ALK: variants seen among roughly 807,000 people sequenced by gnomAD.
ALK encodes the protein ALK receptor tyrosine kinase.
A neutral mutation model predicts 163.1 loss-of-function variants in ALK; 74 were observed. That is an observed-to-expected ratio of 0.45 (90% confidence interval 0.38 to 0.55). The LOEUF is 0.55. Among genes scored for constraint, ALK ranks in the 20% least tolerant of loss-of-function variants. The pLI is 0.00. For missense variants in ALK, 2,063 were observed against 2,105.3 expected (o/e 0.98, Z 0.39); for synonymous variants, 960 against 843.2 (o/e 1.14, Z -2.40).
chr2:29,203,118 G>A (rs1553389747), intron 26 of ALK, among the ~76,000 whole-genome samples: 1 of 152,134 alleles, frequency 6.6e-6, no homozygotes, highest in African/African-American at 2.4e-5. Context: ...GGTGGGGGCC[G>A]AGGATTCGCA....
chr2:29,641,018 A>C (rs923572337), intron 3 of ALK, among the ~76,000 whole-genome samples: 3 of 152,168 alleles, frequency 2.0e-5, no homozygotes, highest in Admixed American at 2.0e-4. Context: ...CCAGAAGCTG[A>C]AAACAGTATA....
intron 1 of ALK, among the ~76,000 whole-genome samples, chr2:29,730,536 C>T (rs957788882): frequency 3.3e-5 from 5 of 151,996 alleles, no homozygotes; most frequent in Admixed American, 3.3e-4. Flanking sequence ...ACATGGACTC[C>T]CAAAGCCCTT....
chr2:29,590,349 T>C (rs755161396), intron 3 of ALK, among the ~76,000 whole-genome samples: 14 of 152,316 alleles, frequency 9.2e-5, no homozygotes, highest in Non-Finnish European at 1.9e-4. Context: ...TTGTTTTCAG[T>C]TGACCATTTT....
At chr2:29,832,466 G>A (rs1481617690) in intron 1 of ALK, among the ~76,000 whole-genome samples, 1 of 152,210 alleles carries the variant, frequency 6.6e-6, no homozygotes, top group African/African-American at 2.4e-5. Flanking sequence ...TATCTTTGGG[G>A]GAAGAGGGAT....
chr2:29,265,044 G>C (rs1333273707), intron 11 of ALK, among the ~76,000 whole-genome samples: 1 of 151,970 alleles, frequency 6.6e-6, no homozygotes, highest in African/African-American at 2.4e-5. Context: ...TTTTGAGACA[G>C]AGTCTTGCCC....
chr2:29,205,233 A>G (rs1417787357), intron 26 of ALK, among the ~76,000 whole-genome samples: 1 of 152,042 alleles, frequency 6.6e-6, no homozygotes, highest in Non-Finnish European at 1.5e-5. Context: ...GTTCCTTTTT[A>G]TATGTGTGTT....
intron 11 of ALK, among the ~76,000 whole-genome samples, chr2:29,271,272 C>T (rs1665377311): frequency 6.6e-6 from 1 of 152,206 alleles, no homozygotes; most frequent in Non-Finnish European, 1.5e-5. Context: ...ATTCTATTAA[C>T]TCTAATAGTT....
At chr2:29,316,489 T>TC (rs1187236367) in intron 8 of ALK, among the ~76,000 whole-genome samples, 88 of 152,238 alleles carry the variant, frequency 5.8e-4, no homozygotes, top group African/African-American at 2.1e-3. Flanking sequence ...TCAAAGGTTA[T>TC]TAGAGAAATG....
At chr2:29,500,274 TAGTGAGTG>T (rs1218399730) in intron 4 of ALK, among the ~76,000 whole-genome samples, 1 of 152,194 alleles carries the variant, frequency 6.6e-6, no homozygotes, top group East Asian at 1.9e-4. Context: ...GTTCTTGTGA[TAGTGAGTG>T]AGTGAGTTAT....
chr2:29,441,752 T>A (rs1473895615), intron 4 of ALK, among the ~76,000 whole-genome samples: 1 of 152,148 alleles, frequency 6.6e-6, no homozygotes, highest in Non-Finnish European at 1.5e-5. Flanking sequence ...GCATTACAGT[T>A]GCATTGAGAC....
At chr2:29,582,240 T>C (rs1268309305) in intron 3 of ALK, among the ~76,000 whole-genome samples, 1 of 152,180 alleles carries the variant, frequency 6.6e-6, no homozygotes, top group Non-Finnish European at 1.5e-5. Context: ...GGAAACGGCC[T>C]TCCTGCTCAG....
At chr2:29,534,104 A>G (rs1367589105) in intron 3 of ALK, among the ~76,000 whole-genome samples, 2 of 152,088 alleles carry the variant, frequency 1.3e-5, no homozygotes, top group Non-Finnish European at 2.9e-5. Flanking sequence ...GACCACAGAG[A>G]GCATTGCTTC....
At chr2:29,380,720 C>T (rs1668875907) in intron 5 of ALK, among the ~76,000 whole-genome samples, 1 of 152,172 alleles carries the variant, frequency 6.6e-6, no homozygotes, top group Non-Finnish European at 1.5e-5. Context: ...AGGCATTAGC[C>T]ACCGTGCCTG....
At chr2:29,594,567 T>G (rs1459762217) in intron 3 of ALK, among the ~76,000 whole-genome samples, 2 of 151,910 alleles carry the variant, frequency 1.3e-5, no homozygotes, top group African/African-American at 4.8e-5. Context: ...TAGCTAGAAT[T>G]ACAGGTGTGC....
At chr2:29,470,321 A>AAT (rs1671319611) in intron 4 of ALK, among the ~76,000 whole-genome samples, 1 of 144,514 alleles carries the variant, frequency 6.9e-6, no homozygotes, top group Admixed American at 6.9e-5. Flanking sequence ...GGACAGAGGC[A>AAT]ATATGTGAAG....
At position 29,275,382 on chromosome 2, in the gene ALK, T is replaced by A. The variant is rs1315297922; in HGVS notation, c.1912+20A>T. 6.2e-7 allele frequency: 1 copy of A among 1,613,438 alleles called. No individual in the cohort carries two copies. The highest frequency in any genetic ancestry group is 2.2e-5 in the East Asian group (1 of 44,856). ...CCATGGGGGTTGGGGGACAGAGTGC[T>A]GGGGTCAGAGTGAACTCACTGGTGA... On this transcript the variant is annotated intron_variant, in intron 10 of 28. Transcript: ENST00000389048.
chr2:29,418,012 C>T (rs938540809), intron 4 of ALK, among the ~76,000 whole-genome samples: 4 of 152,176 alleles, frequency 2.6e-5, no homozygotes, highest in Admixed American at 1.3e-4. Context: ...GCTTCACACC[C>T]CTGGGGCATG....
Position 29,795,334 on chromosome 2 carries a change from C to T in ALK, c.668-77637G>A, listed in dbSNP as rs113552957. Among the ~76,000 whole-genome samples the T allele has an allele frequency of 5.3e-5, 8 of 152,206 alleles. No homozygotes were observed. The East Asian group carries it at 5.8e-4, about 11-fold the overall frequency. On this transcript the variant is annotated intron_variant, in intron 1 of 28. Coordinates refer to ENST00000389048, the MANE Select transcript of ALK (RefSeq NM_004304.5). The stretch of plus-strand genomic sequence containing the variant: ...TAATATGCAGTTCTGGCAAGTGTTG[C>T]GTGAGATAAGCATTCTTATACACTT...
At chr2:29,665,124 C>G (rs764323171) in intron 3 of ALK, among the ~76,000 whole-genome samples, 1 of 151,694 alleles carries the variant, frequency 6.6e-6, no homozygotes, top group Non-Finnish European at 1.5e-5. Context: ...CCTCCACCCC[C>G]CAAGTAGCTG....
Sources: gnomAD v4.1 joint callset for allele counts (sites outside exome capture counted in the v4.1 genomes callset) on GRCh38, gnomAD v4.1.1 for gene constraint, MANE v1.5 for transcripts, NCBI Gene and HGNC (gene_info 2026-07-23, HGNC 2026-07-21) for gene names.